KCNIP4: variants seen among roughly 807,000 people sequenced by gnomAD.
The protein encoded by KCNIP4 is Kv channel-interacting protein 4.
In KCNIP4, 12 loss-of-function variants were observed where a neutral mutation model predicts 34.0. The ratio of observed to expected loss-of-function variants is 0.35; its 90% CI spans 0.23 to 0.57. The LOEUF is 0.57. Ranked by LOEUF, KCNIP4 falls within the 20% of genes least tolerant of loss-of-function variation. The pLI, the probability that KCNIP4 is intolerant of heterozygous loss-of-function variation, is 0.83. For missense variants in KCNIP4, 238 were observed against 311.7 expected (o/e 0.76, Z 1.78); for synonymous variants, 124 against 102.2 (o/e 1.21, Z -1.29).
chr4:21,106,245 G>A (rs956783049), intron 1 of KCNIP4, among the ~76,000 whole-genome samples: 4 of 151,672 alleles, frequency 2.6e-5, no homozygotes, highest in Admixed American at 2.6e-4. Flanking sequence ...TGGTTGGTAA[G>A]CTATTGATTA....
At chr4:21,336,152 A>G (rs1346200481) in intron 1 of KCNIP4, among the ~76,000 whole-genome samples, 1 of 152,102 alleles carries the variant, frequency 6.6e-6, no homozygotes, top group Non-Finnish European at 1.5e-5. Flanking sequence ...TGGTGAATTT[A>G]TTTACATTGA....
At chr4:20,840,477 G>C (rs552543714) in intron 3 of KCNIP4, among the ~76,000 whole-genome samples, 1 of 152,216 alleles carries the variant, frequency 6.6e-6, no homozygotes, top group East Asian at 1.9e-4. Context: ...TTGAAATCAA[G>C]TTGGACCATA....
At chr4:20,742,781 G>T (rs1751453215) in intron 5 of KCNIP4, among the ~76,000 whole-genome samples, 1 of 152,140 alleles carries the variant, frequency 6.6e-6, no homozygotes, top group South Asian at 2.1e-4. Context: ...AATTTTCCCT[G>T]TTTGCGGATG....
intron 1 of KCNIP4, among the ~76,000 whole-genome samples, chr4:21,008,343 T>C (rs759817404): frequency 6.6e-6 from 1 of 152,192 alleles, no homozygotes; most frequent in Non-Finnish European, 1.5e-5. Context: ...ATAAACAATT[T>C]TGGGGAGCCA....
intron 1 of KCNIP4, among the ~76,000 whole-genome samples, chr4:21,410,254 T>C (rs1724369997): frequency 6.6e-6 from 1 of 152,214 alleles, no homozygotes; most frequent in African/African-American, 2.4e-5. Flanking sequence ...ATTAAAGTTG[T>C]AGTGTTTTAA....
Position 20,850,526 on chromosome 4 carries a change from A to G in KCNIP4, c.288+17T>C, listed in dbSNP as rs752551051. Reference sequence around the variant, plus strand: ...CTGGGAATTGTGTGAAGGTAAAGTCAAAAAGAAAGTTCTTACATTCTTAAA... The same window carrying G: ...CTGGGAATTGTGTGAAGGTAAAGTCGAAAAGAAAGTTCTTACATTCTTAAA... On this transcript the variant is annotated intron_variant, in intron 3 of 8. Transcript: ENST00000382152. The G allele has an allele frequency of 5.0e-6, 8 of 1,610,618 alleles. No homozygotes were observed. Among genetic ancestry groups the G allele is most frequent in the South Asian group, 1.1e-5 (1 of 90,958 alleles).
intron 1 of KCNIP4, among the ~76,000 whole-genome samples, chr4:21,625,076 CA>C (rs1304481267): frequency 2.0e-4 from 30 of 152,066 alleles, no homozygotes; most frequent in Non-Finnish European, 3.8e-4. Context: ...TTTTCAGGGA[CA>C]AACTGAATAT....
chr4:21,076,465 T>C (rs1301184027), intron 1 of KCNIP4, among the ~76,000 whole-genome samples: 2 of 152,186 alleles, frequency 1.3e-5, no homozygotes, highest in Non-Finnish European at 2.9e-5. Flanking sequence ...TTTTCCATGC[T>C]AGATTGTGAA....
chr4:21,298,958 T>A (rs958451367), intron 1 of KCNIP4, among the ~76,000 whole-genome samples: 2 of 152,134 alleles, frequency 1.3e-5, no homozygotes, highest in Non-Finnish European at 2.9e-5. Flanking sequence ...AATTATGTAA[T>A]AAGATACGGA....
intron 1 of KCNIP4, among the ~76,000 whole-genome samples, chr4:21,812,927 C>A (rs1299332884): frequency 6.6e-6 from 1 of 152,114 alleles, no homozygotes; most frequent in Non-Finnish European, 1.5e-5. Context: ...TCCACACTTT[C>A]ACATAAGACT....
intron 1 of KCNIP4, among the ~76,000 whole-genome samples, chr4:21,899,773 A>G (rs993788696): frequency 6.6e-6 from 1 of 152,124 alleles, no homozygotes; most frequent in Admixed American, 6.6e-5. Context: ...CAAAGCACTG[A>G]TGCAATATAT....
intron 1 of KCNIP4, among the ~76,000 whole-genome samples, chr4:21,482,079 T>G (rs1201496822): frequency 1.3e-5 from 2 of 152,020 alleles, no homozygotes; most frequent in Non-Finnish European, 2.9e-5. Context: ...CTTCTTTGTC[T>G]CTTTTGATCT....
At chr4:21,795,467 G>A (rs1720561756) in intron 1 of KCNIP4, among the ~76,000 whole-genome samples, 1 of 152,126 alleles carries the variant, frequency 6.6e-6, no homozygotes, top group Admixed American at 6.6e-5. Flanking sequence ...CAATGTCTAT[G>A]AGGCAAAGTG....
At chr4:21,086,745 A>T (rs1308697919) in intron 1 of KCNIP4, among the ~76,000 whole-genome samples, 1 of 151,948 alleles carries the variant, frequency 6.6e-6, no homozygotes, top group Non-Finnish European at 1.5e-5. Flanking sequence ...TACCATTAAG[A>T]CCCTAAGCTC....
intron 3 of KCNIP4, chr4:20,766,913 T>G (rs1755466243): frequency 6.6e-6 from 1 of 151,116 alleles, no homozygotes; most frequent in Non-Finnish European, 1.5e-5. Context: ...GCAAACTGTT[T>G]AATCTAAGTC....
chr4:20,936,546 C>T (rs186431600), intron 1 of KCNIP4, among the ~76,000 whole-genome samples: 48 of 151,024 alleles, frequency 3.2e-4, no homozygotes, highest in Non-Finnish European at 5.9e-4. Context: ...ACTCTGAGTC[C>T]AGTACCCTAG....
intron 1 of KCNIP4, among the ~76,000 whole-genome samples, chr4:21,239,253 A>T (rs1379051163): frequency 1.4e-5 from 2 of 140,082 alleles, no homozygotes; most frequent in Admixed American, 1.4e-4. Context: ...TACATGTTGG[A>T]GCTAAAACCA....
intron 1 of KCNIP4, among the ~76,000 whole-genome samples, chr4:21,609,259 A>G (rs566099631): frequency 3.9e-5 from 6 of 152,320 alleles, no homozygotes; most frequent in African/African-American, 1.4e-4. Flanking sequence ...GTGTTTGTGT[A>G]TCTATTGTAT....
chr4:20,974,154 G>A (rs1043200293), intron 1 of KCNIP4, among the ~76,000 whole-genome samples: 2 of 152,078 alleles, frequency 1.3e-5, no homozygotes, highest in Non-Finnish European at 2.9e-5. Flanking sequence ...AGAACACAAG[G>A]TATCTGTGTT....
Sources: gnomAD v4.1 joint callset for allele counts (sites outside exome capture counted in the v4.1 genomes callset) on GRCh38, gnomAD v4.1.1 for gene constraint, MANE v1.5 for transcripts, NCBI Gene and HGNC (gene_info 2026-07-23, HGNC 2026-07-21) for gene names.